Variants in LRRC4C observed in about 807,000 individuals in gnomAD.
LRRC4C encodes the protein leucine rich repeat containing 4C, also known as leucine-rich repeat-containing protein 4C.
Under a neutral mutation model 33.6 loss-of-function variants are expected in LRRC4C, and 5 were observed. That is an observed-to-expected ratio of 0.15 (90% CI 0.08 to 0.31). The LOEUF (loss-of-function observed/expected upper bound fraction) is 0.31, where lower values mean the gene tolerates loss of function less well. LRRC4C is among the 10% of genes least tolerant of loss of function. LRRC4C has a pLI of 1.00. For missense variants in LRRC4C, 560 were observed against 796.7 expected, an observed-to-expected ratio of 0.70 and a Z score of 3.58; for synonymous variants, 329 against 302.0, an observed-to-expected ratio of 1.09 and a Z score of -0.93.
chr11:40,452,355 C>G (rs955927178), intron 3 of LRRC4C, among the ~76,000 whole-genome samples: 31 of 152,232 alleles, frequency 2.0e-4, no homozygotes, highest in African/African-American at 7.0e-4. Context: ...ACAACCCCAT[C>G]AAAAAGTGGG....
intron 3 of LRRC4C, among the ~76,000 whole-genome samples, chr11:40,549,360 C>T (rs1271621650): frequency 3.3e-5 from 5 of 152,082 alleles, no homozygotes; most frequent in Non-Finnish European, 7.4e-5. Flanking sequence ...GCAGACAGAG[C>T]GAACACTTAC....
intron 3 of LRRC4C, among the ~76,000 whole-genome samples, chr11:40,370,222 C>A (rs529686609): frequency 4.8e-4 from 73 of 152,176 alleles, no homozygotes; most frequent in African/African-American, 1.8e-3. Context: ...GGGTTCTCAG[C>A]CTCTCACTAA....
chr11:41,000,997 T>C (rs1392268478), intron 1 of LRRC4C, among the ~76,000 whole-genome samples: 2 of 152,168 alleles, frequency 1.3e-5, no homozygotes, highest in East Asian at 3.8e-4. Context: ...ATGCCATCAG[T>C]TAATCAGCGT....
At chr11:40,219,256 C>T (rs1864227873) in intron 5 of LRRC4C, among the ~76,000 whole-genome samples, 2 of 152,190 alleles carry the variant, frequency 1.3e-5, no homozygotes, top group Non-Finnish European at 1.5e-5. Flanking sequence ...TAGCCAGTGG[C>T]TACTATATTG....
At chr11:40,811,154 CT>C (rs915174141) in intron 2 of LRRC4C, among the ~76,000 whole-genome samples, 2 of 151,872 alleles carry the variant, frequency 1.3e-5, no homozygotes, top group Admixed American at 6.6e-5. Context: ...CTTTCTTTTT[CT>C]TTTTTTTCCT....
At chr11:40,792,234 T>C (rs747659433) in intron 2 of LRRC4C, among the ~76,000 whole-genome samples, 6 of 152,062 alleles carry the variant, frequency 3.9e-5, no homozygotes, top group Non-Finnish European at 8.8e-5. Flanking sequence ...ATGAAATCAA[T>C]AATGACGCTT....
intron 3 of LRRC4C, among the ~76,000 whole-genome samples, chr11:40,353,761 G>A (rs949286079): frequency 2.6e-5 from 4 of 152,190 alleles, no homozygotes; most frequent in South Asian, 2.1e-4. Flanking sequence ...ATAGGATTTC[G>A]AATTACTTCT....
intron 1 of LRRC4C, among the ~76,000 whole-genome samples, chr11:41,289,212 G>C (rs980274939): frequency 6.6e-6 from 1 of 151,988 alleles, no homozygotes; most frequent in South Asian, 2.1e-4. Context: ...CTCTTATTTT[G>C]TTAAACCACT....
chr11:40,996,973 T>C (rs1429890520), intron 1 of LRRC4C, among the ~76,000 whole-genome samples: 8 of 152,116 alleles, frequency 5.3e-5, no homozygotes, highest in Admixed American at 3.9e-4. Context: ...AGGGGATGAA[T>C]ATCCAAACTA....
At position 40,199,908 on chromosome 11, in the gene LRRC4C, G is replaced by A. The variant is rs74399780; in HGVS notation, c.-96+41611C>T. ...AAGTAGGTGTTATGTTCCACGAGAT[G>A]AGAAAGCAAACTTGGAGAGGATAAT... On this transcript the variant is annotated intron_variant, in intron 5 of 6. Transcript: ENST00000528697. Among the ~76,000 whole-genome samples, 1,391 of 152,164 alleles carry A rather than the reference G, an allele frequency of 9.1e-3. 14 individuals are homozygous for A. The highest frequency in any genetic ancestry group is 0.015 in the Non-Finnish European group (1,009 of 68,014).
chr11:40,795,196 G>C (rs1405864898), intron 2 of LRRC4C, among the ~76,000 whole-genome samples: 1 of 152,088 alleles, frequency 6.6e-6, no homozygotes, highest in Admixed American at 6.6e-5. Context: ...GCCAGACATA[G>C]AATCTTTACT....
At chr11:40,178,305 A>G (rs1860687786) in intron 5 of LRRC4C, among the ~76,000 whole-genome samples, 1 of 152,184 alleles carries the variant, frequency 6.6e-6, no homozygotes. Flanking sequence ...GTATTTATAG[A>G]AGGTAAATGA....
intron 6 of LRRC4C, among the ~76,000 whole-genome samples, chr11:40,134,030 A>G (rs1448006626): frequency 6.6e-6 from 1 of 152,180 alleles, no homozygotes; most frequent in East Asian, 1.9e-4. Flanking sequence ...TCTATTCTCT[A>G]TTCTTTAGAA....
At chr11:40,860,939 ATATTAAATGCC>A (rs370091478) in intron 2 of LRRC4C, among the ~76,000 whole-genome samples, 7,553 of 151,914 alleles carry the variant, frequency 0.05, 486 homozygotes, top group African/African-American at 0.15. Context: ...CGTTGTAAAG[ATATTAAATGCC>A]ACTGAACTGT....
intron 3 of LRRC4C, among the ~76,000 whole-genome samples, chr11:40,337,868 C>T (rs1036691172): frequency 3.9e-5 from 6 of 152,040 alleles, no homozygotes; most frequent in African/African-American, 1.4e-4. Context: ...AGTGTGCGTT[C>T]TTCCCTTCTA....
intron 2 of LRRC4C, among the ~76,000 whole-genome samples, chr11:40,797,809 T>C (rs1046900729): frequency 2.0e-5 from 3 of 152,076 alleles, no homozygotes; most frequent in African/African-American, 7.3e-5. Flanking sequence ...TAAATGATGA[T>C]AAGCTTTTTG....
At chr11:40,563,785 T>C (rs371623156) in intron 3 of LRRC4C, among the ~76,000 whole-genome samples, 1 of 152,284 alleles carries the variant, frequency 6.6e-6, no homozygotes, top group South Asian at 2.1e-4. Context: ...CAGACTCACC[T>C]GAACCATTTG....
intron 2 of LRRC4C, among the ~76,000 whole-genome samples, chr11:40,749,191 G>A (rs1009009555): frequency 2.6e-5 from 4 of 151,958 alleles, no homozygotes; most frequent in Admixed American, 6.6e-5. Context: ...TCAGTACGTG[G>A]AAAAGTCTCT....
At chr11:40,329,465 G>A (rs988854613) in intron 3 of LRRC4C, among the ~76,000 whole-genome samples, 10 of 152,130 alleles carry the variant, frequency 6.6e-5, no homozygotes, top group African/African-American at 2.4e-4. Flanking sequence ...AACAGACTTT[G>A]AGACGACTGG....
Sources: gnomAD v4.1 joint callset for allele counts (sites outside exome capture counted in the v4.1 genomes callset) on GRCh38, gnomAD v4.1.1 for gene constraint, MANE v1.5 for transcripts, NCBI Gene and HGNC (gene_info 2026-07-23, HGNC 2026-07-21) for gene names.